The following COMMD1 variants were observed in gnomAD, a reference collection of about 807,000 sequenced individuals.
COMMD1 encodes the protein copper metabolism domain containing 1.
Under a neutral mutation model 17.2 loss-of-function variants are expected in COMMD1, and 10 were observed. That is an observed-to-expected ratio of 0.58 (90% CI 0.36 to 0.99). The LOEUF (loss-of-function observed/expected upper bound fraction) is 0.99. COMMD1 is among the 50% of genes least tolerant of loss of function. COMMD1 has a pLI of 0.01. For synonymous variants in COMMD1, 97 were observed against 91.6 expected, an observed-to-expected ratio of 1.06 and a Z score of -0.34; for missense variants, 270 against 231.8, an observed-to-expected ratio of 1.17 and a Z score of -1.07.
At chr2:62,097,751 A>C (rs1672051153) in intron 2 of COMMD1, among the ~76,000 whole-genome samples, 1 of 152,184 alleles carries the variant, frequency 6.6e-6, no homozygotes, top group African/African-American at 2.4e-5. Context: ...TCTTTACTCC[A>C]AGGGAGAGGG....
At chr2:62,054,670 G>A (rs1031335307) in intron 2 of COMMD1, among the ~76,000 whole-genome samples, 4 of 152,142 alleles carry the variant, frequency 2.6e-5, no homozygotes, top group Admixed American at 6.5e-5. Flanking sequence ...TCAGGTGAAT[G>A]TAGAGAGGTG....
chr2:62,108,557 C>T (rs1208023728), intron 2 of COMMD1, among the ~76,000 whole-genome samples: 1 of 152,080 alleles, frequency 6.6e-6, no homozygotes, highest in African/African-American at 2.4e-5. Flanking sequence ...GTTTTTAAGG[C>T]AGATTTCTCT....
chr2:61,985,667 A>G (rs546659792), intron 1 of COMMD1, among the ~76,000 whole-genome samples: 4 of 152,244 alleles, frequency 2.6e-5, no homozygotes, highest in Admixed American at 1.3e-4. Context: ...TGAGGTTACC[A>G]TGAGCTTGCA....
At chr2:62,035,311 G>A (rs948582839) in intron 2 of COMMD1, among the ~76,000 whole-genome samples, 3 of 152,184 alleles carry the variant, frequency 2.0e-5, no homozygotes, top group Non-Finnish European at 2.9e-5. Context: ...AGAATTCAAA[G>A]CTCAACTGAA....
At chr2:62,130,577 G>A (rs1394999371) in intron 2 of COMMD1, among the ~76,000 whole-genome samples, 1 of 152,178 alleles carries the variant, frequency 6.6e-6, no homozygotes, top group East Asian at 1.9e-4. Context: ...TCCTAAATAT[G>A]ATCCATAAAT....
intron 1 of COMMD1, 24 bp downstream of exon 1, chr2:61,905,882 C>T (rs543358602): frequency 1.2e-5 from 19 of 1,612,746 alleles, no homozygotes; most frequent in Non-Finnish European, 1.6e-5. Context: ...CTGTAGTCTC[C>T]GGCTTGGAGC....
At chr2:62,075,903 AG>A (rs142136568) in intron 2 of COMMD1, among the ~76,000 whole-genome samples, 1,841 of 152,364 alleles carry the variant, frequency 0.012, 40 homozygotes, top group African/African-American at 0.043. Context: ...TTAGAGAAAG[AG>A]GTTTTCCAGC....
intron 2 of COMMD1, among the ~76,000 whole-genome samples, chr2:62,120,327 CCT>C (rs1261256599): frequency 6.7e-6 from 1 of 149,004 alleles, no homozygotes; most frequent in Non-Finnish European, 1.5e-5. Flanking sequence ...TTCTTCAATT[CCT>C]CTCTGTTTCT....
intron 1 of COMMD1, among the ~76,000 whole-genome samples, chr2:61,926,061 C>T (rs1017211253): frequency 9.9e-5 from 15 of 152,018 alleles, no homozygotes; most frequent in African/African-American, 3.6e-4. Flanking sequence ...ACCTCTGCCT[C>T]CTGGGTTCAC....
At chr2:62,032,295 G>A (rs151133640) in intron 2 of COMMD1, among the ~76,000 whole-genome samples, 2 of 152,288 alleles carry the variant, frequency 1.3e-5, no homozygotes, top group African/African-American at 4.8e-5. Context: ...CAGCACTCTG[G>A]GAAGCTGAGG....
chr2:62,098,938 T>A (rs1672095986), intron 2 of COMMD1, among the ~76,000 whole-genome samples: 1 of 152,184 alleles, frequency 6.6e-6, no homozygotes, highest in African/African-American at 2.4e-5. Flanking sequence ...CTTAAAGGGA[T>A]CTTCAGTCGG....
At chr2:62,072,491 C>CT (rs1183483017) in intron 2 of COMMD1, among the ~76,000 whole-genome samples, 1 of 152,166 alleles carries the variant, frequency 6.6e-6, no homozygotes, top group Non-Finnish European at 1.5e-5. Flanking sequence ...CAGTAAAACT[C>CT]TTCTCCACCT....
intron 2 of COMMD1, chr2:62,070,039 C>T (rs1000769968): frequency 6.6e-6 from 1 of 152,236 alleles, no homozygotes; most frequent in Admixed American, 6.5e-5. Flanking sequence ...AGACTGCCCT[C>T]ACTTCAGATG....
intron 2 of COMMD1, among the ~76,000 whole-genome samples, chr2:62,128,060 G>C (rs966464097): frequency 6.6e-6 from 1 of 151,208 alleles, no homozygotes; most frequent in African/African-American, 2.4e-5. Context: ...GGGCATGGTG[G>C]CTCATGCCTG....
chr2:61,976,050 G>C (rs1474340769), intron 1 of COMMD1, among the ~76,000 whole-genome samples: 1 of 151,940 alleles, frequency 6.6e-6, no homozygotes, highest in Non-Finnish European at 1.5e-5. Context: ...CTGATAGAAG[G>C]GTATTGAATT....
At chr2:62,055,769 G>T (rs112557199) in intron 2 of COMMD1, among the ~76,000 whole-genome samples, 1 of 152,326 alleles carries the variant, frequency 6.6e-6, no homozygotes, top group African/African-American at 2.4e-5. Context: ...AGAGGACACA[G>T]TTCAGAAGGT....
intron 1 of COMMD1, among the ~76,000 whole-genome samples, chr2:61,937,753 C>G (rs10187809): frequency 0.12 from 17,738 of 151,956 alleles, 2,427 homozygotes; most frequent in African/African-American, 0.33. Context: ...CAAAACATAC[C>G]CGTTCTGAAA....
chr2:62,079,373 A>G (rs1671451956), intron 2 of COMMD1, among the ~76,000 whole-genome samples: 1 of 152,236 alleles, frequency 6.6e-6, no homozygotes, highest in African/African-American at 2.4e-5. Context: ...GTATTTTGCA[A>G]GAATCAATAT....
At chr2:62,097,281 C>A (rs570772729) in intron 2 of COMMD1, among the ~76,000 whole-genome samples, 44 of 152,252 alleles carry the variant, frequency 2.9e-4, no homozygotes, top group Non-Finnish European at 5.7e-4. Flanking sequence ...TCTAAATCGT[C>A]CTGAATGACT....
Sources: allele counts gnomAD v4.1 joint callset (sites outside exome capture counted in the v4.1 genomes callset), GRCh38; gene constraint gnomAD v4.1.1; transcripts MANE v1.5; gene names NCBI Gene and HGNC (gene_info 2026-07-23, HGNC 2026-07-21).